The following DOCK8 variants were observed in gnomAD, a reference collection of about 807,000 sequenced individuals.
DOCK8 encodes dedicator of cytokinesis protein 8.
Under a neutral mutation model 245.6 loss-of-function variants are expected in DOCK8, and 141 were observed. That is an observed-to-expected ratio of 0.57 (90% confidence interval 0.50 to 0.66). DOCK8 has a LOEUF of 0.66. Ranked by LOEUF, DOCK8 falls within the 30% of genes least tolerant of loss-of-function variation. The pLI is 0.00. For missense variants in DOCK8, 2,965 were observed against 2,603.4 expected (o/e 1.14, Z -3.02); for synonymous variants, 1,168 against 970.2 (o/e 1.20, Z -3.79).
intron 14 of DOCK8, among the ~76,000 whole-genome samples, chr9:357,552 C>T (rs966327837): frequency 6.6e-6 from 1 of 151,716 alleles, no homozygotes; most frequent in East Asian, 1.9e-4. Context: ...GAATATTGGA[C>T]CATTTATTGT....
At chr9:354,693 C>T (rs758467598) in intron 14 of DOCK8, among the ~76,000 whole-genome samples, 6 of 152,132 alleles carry the variant, frequency 3.9e-5, no homozygotes, top group South Asian at 2.1e-4. Context: ...CAGTTGCTCA[C>T]GGGTTGTTAG....
At position 243,922 on chromosome 9, in the gene DOCK8, T is replaced by C. The variant is rs370123568; in HGVS notation, c.54-27705T>C. 1.2e-3 allele frequency among the ~76,000 whole-genome samples: 190 copies of C among 152,156 alleles called. 1 individual carries two copies. The highest frequency in any genetic ancestry group is 0.012 in the East Asian group (64 of 5,178). ...AGCTCTCGCCGGGCGCGGTGGCTCA[T>C]GCCTGTAATCCCAGCACTTTGGGAG... On this transcript the variant is annotated intron_variant, in intron 1 of 47. Coordinates refer to ENST00000432829, the MANE Select transcript of DOCK8 (RefSeq NM_203447.4).
At position 432,162 on chromosome 9, in the gene DOCK8, G is replaced by C; in HGVS notation, c.4627-4G>C. 6.2e-7 allele frequency: 1 copy of C among 1,605,994 alleles called. No homozygotes were observed. The highest frequency in any genetic ancestry group is 8.5e-7 in the Non-Finnish European group (1 of 1,176,906). ...CATCTTTTTTTTTTTTTTCACTGAT[G>C]CAGAATTTTGCAAGAGTAAAGATGC... On this transcript the variant is annotated splice_region_variant and splice_polypyrimidine_tract_variant and intron_variant, in intron 36 of 47. Coordinates refer to ENST00000432829, the MANE Select transcript of DOCK8 (RefSeq NM_203447.4).
intron 28 of DOCK8, 54 bp downstream of exon 28, chr9:407,123 T>C: frequency 1.9e-6 from 3 of 1,611,946 alleles, no homozygotes; most frequent in South Asian, 2.2e-5. Flanking sequence ...AGATGTTCTT[T>C]AATAAAATTT....
At chr9:346,020 G>A (rs190367488) in intron 14 of DOCK8, among the ~76,000 whole-genome samples, 7 of 151,896 alleles carry the variant, frequency 4.6e-5, no homozygotes, top group South Asian at 2.1e-4. Context: ...CCAGCGGCTC[G>A]GGCCCTCTGC....
chr9:323,541 T>C (rs1049215990), intron 7 of DOCK8, among the ~76,000 whole-genome samples: 5 of 152,162 alleles, frequency 3.3e-5, no homozygotes, highest in Admixed American at 2.0e-4. Context: ...ATCTTAACCA[T>C]TTTTAAGGTA....
At chr9:317,828 C>T (rs1037381975) in intron 7 of DOCK8, among the ~76,000 whole-genome samples, 8 of 151,932 alleles carry the variant, frequency 5.3e-5, no homozygotes, top group South Asian at 2.1e-4. Flanking sequence ...CATAATATAC[C>T]GACTCCCTAA....
At chr9:390,425 A>G (rs765282948) in intron 23 of DOCK8, 46 bp from the exon 24 acceptor site, 10 of 1,548,112 alleles carry the variant, frequency 6.5e-6, no homozygotes, top group Middle Eastern at 3.4e-4. Context: ...TTGGTGAATA[A>G]TAATAGCCTT....
intron 34 of DOCK8, among the ~76,000 whole-genome samples, chr9:427,971 A>G (rs1486466344): frequency 2.6e-5 from 4 of 152,164 alleles, no homozygotes; most frequent in Non-Finnish European, 5.9e-5. Flanking sequence ...ACAAGCTTCT[A>G]TTTAGAAACA....
intron 33 of DOCK8, among the ~76,000 whole-genome samples, chr9:424,384 A>G (rs1015333233): frequency 6.6e-6 from 1 of 151,990 alleles, no homozygotes; most frequent in Non-Finnish European, 1.5e-5. Context: ...TTAAAGGAAT[A>G]GATGGTAAGC....
At chr9:275,535 A>G (rs527775741) in intron 2 of DOCK8, among the ~76,000 whole-genome samples, 6 of 152,252 alleles carry the variant, frequency 3.9e-5, no homozygotes, top group African/African-American at 1.4e-4. Context: ...GGGGACTTTA[A>G]CTTGAAGCCC....
In DOCK8 at chr9:370,252, G is replaced by A. The variant is rs1397007661; in HGVS notation, c.1820G>A (p.Gly607Glu). ...CAGGTCATCTTTGGAAAATCCAGCG[G>A]GCCTGAATTTCTGCAGGAAGTGTAC... ...AMPVIFGKSS[G>E]PEFLQEVYTA... Residue 607 changes from glycine (G) to glutamate (E), a missense_variant, in exon 16 of 48, where the codon GGG becomes GAG. Coordinates refer to ENST00000432829, the MANE Select transcript of DOCK8 (RefSeq NM_203447.4). 6.2e-7 allele frequency: 1 copy of A among 1,613,882 alleles called. No individual in the cohort carries two copies. The highest frequency in any genetic ancestry group is 8.5e-7 in the Non-Finnish European group (1 of 1,179,912).
At chr9:268,414 G>C (rs1291042425) in intron 1 of DOCK8, 1 of 152,214 alleles carries the variant, frequency 6.6e-6, no homozygotes, top group Non-Finnish European at 1.5e-5. Flanking sequence ...CCCTGTTTAA[G>C]AAGGGCTAGA....
chr9:375,274 A>T (rs1000851568), intron 18 of DOCK8, among the ~76,000 whole-genome samples: 2 of 152,176 alleles, frequency 1.3e-5, no homozygotes, highest in Non-Finnish European at 2.9e-5. Context: ...CCCTCACTCA[A>T]CACTGCAGGA....
chr9:243,393 A>C (rs1341081063), intron 1 of DOCK8, among the ~76,000 whole-genome samples: 1 of 152,172 alleles, frequency 6.6e-6, no homozygotes, highest in Non-Finnish European at 1.5e-5. Context: ...GGAAGACATC[A>C]TGGTGTGGTG....
intron 26 of DOCK8, among the ~76,000 whole-genome samples, chr9:401,026 CTT>C (rs2055060942): frequency 3.6e-5 from 5 of 138,836 alleles, no homozygotes; most frequent in African/African-American, 1.3e-4. Context: ...TGACCACCTC[CTT>C]CACCTCCACC....
At chr9:406,779 T>A in intron 27 of DOCK8, 151 bp from the exon 28 acceptor site, 1 of 947,556 alleles carries the variant, frequency 1.1e-6, no homozygotes, top group Non-Finnish European at 1.7e-6. Context: ...GTGCCTCAGT[T>A]TCCTTGTCCG....
At chr9:381,581 G>A (rs894719372) in intron 21 of DOCK8, among the ~76,000 whole-genome samples, 1 of 152,098 alleles carries the variant, frequency 6.6e-6, no homozygotes, top group African/African-American at 2.4e-5. Flanking sequence ...AAAATTGCAG[G>A]CCCAAATAAA....
chr9:316,971 C>G, intron 6 of DOCK8, 72 bp from the exon 7 acceptor site: 2 of 1,237,328 alleles, frequency 1.6e-6, no homozygotes, highest in Non-Finnish European at 2.4e-6. Flanking sequence ...GCCTTCCCTT[C>G]CCTGGGTTAA....
Sources: gnomAD v4.1 joint callset for allele counts (sites outside exome capture counted in the v4.1 genomes callset) on GRCh38, gnomAD v4.1.1 for gene constraint, MANE v1.5 for transcripts, NCBI Gene and HGNC (gene_info 2026-07-23, HGNC 2026-07-21) for gene names.